The following TRIM67 variants were observed in gnomAD, a reference collection of about 807,000 sequenced individuals.
TRIM67 encodes the protein tripartite motif-containing protein 67.
TRIM67 carries 39 observed loss-of-function variants against 71.0 expected under a neutral mutation model. The observed-to-expected ratio is 0.55, with a 90% CI of 0.43 to 0.72. The LOEUF (loss-of-function observed/expected upper bound fraction) is 0.72. Ranked by LOEUF, TRIM67 falls within the 30% of genes least tolerant of loss-of-function variation. The probability of loss-of-function intolerance (pLI) is 0.00; values close to 1 mark genes in which losing one functional copy is unlikely to be tolerated. For missense variants in TRIM67, 973 were observed against 1,079.2 expected (o/e 0.90, Z 1.38); for synonymous variants, 481 against 473.9 (o/e 1.01, Z -0.19).
rs1214334147 is a variant in TRIM67, at chr1:231,218,011, A to G, written c.*2571A>G. ...GCCCAGAAGCAATACGGCCGATGCCAGGGACAGCATCCAGCTCTCCTTCAC... is the reference window on the plus strand; with the variant it reads ...GCCCAGAAGCAATACGGCCGATGCCGGGGACAGCATCCAGCTCTCCTTCAC... On this transcript the variant is annotated 3_prime_UTR_variant, in exon 10 of 10. Transcript: ENST00000366653. The G allele has an allele frequency of 1.4e-5, 17 of 1,198,306 alleles. No homozygotes were observed. The highest frequency in any genetic ancestry group is 1.6e-5 in the African/African-American group (1 of 63,002). 74.2% of individuals were successfully genotyped at this position (1,198,306 alleles called of 1,614,324 possible). A position where few individuals can be genotyped will look rare whatever the true frequency, so the allele number is the denominator to read the frequency against.
intron 7 of TRIM67, among the ~76,000 whole-genome samples, chr1:231,208,059 G>A (rs1683756938): frequency 6.6e-6 from 1 of 150,542 alleles, no homozygotes; most frequent in East Asian, 1.9e-4. Flanking sequence ...GCCCAGGCTG[G>A]AGTGCAATGG....
rs758387844 is a variant in TRIM67, at chr1:231,197,424, G to A, written c.1098G>A (p.Lys366=). Reference sequence around the variant, plus strand: ...TTTCAGATAAGGCAAAGGAAGCAAAGGAGTTTCTGGTTCAGCTAAAGAACA... The same window carrying A: ...TTTCAGATAAGGCAAAGGAAGCAAAAGAGTTTCTGGTTCAGCTAAAGAACA... ...NGVSDKAKEA[K]EFLVQLKNIL... is the part of the protein sequence containing the mutation. The change falls in exon 2 of 10, where the codon AAG becomes AAA. Residue 366 remains lysine, a synonymous_variant. Coordinates refer to ENST00000366653, the MANE Select transcript of TRIM67 (RefSeq NM_001004342.5). 9.9e-6 allele frequency: 16 copies of A among 1,614,046 alleles called. No individual in the cohort carries two copies. The highest frequency in any genetic ancestry group is 1.4e-5 in the Non-Finnish European group (16 of 1,179,884).
intron 1 of TRIM67, among the ~76,000 whole-genome samples, chr1:231,169,135 C>G (rs970700731): frequency 6.6e-6 from 1 of 152,176 alleles, no homozygotes; most frequent in African/African-American, 2.4e-5. Context: ...CAGCTCACTG[C>G]AACCTCCGCC....
chr1:231,179,355 G>A (rs1157785198), intron 1 of TRIM67, among the ~76,000 whole-genome samples: 1 of 152,204 alleles, frequency 6.6e-6, no homozygotes, highest in African/African-American at 2.4e-5. Context: ...CTACTCCAGT[G>A]TGACCCCCAC....
chr1:231,219,175 G>A lies in TRIM67; in HGVS notation c.*3735G>A, dbSNP rs898180330. On this transcript the variant is annotated 3_prime_UTR_variant, in exon 10 of 10. Transcript: ENST00000366653. ...ACTGCTGCACAGCCCGTGGGGTGGC[G>A]CCAGGGTTTCTCAACCTCTACTGAC... 29 of 985,362 alleles carry A rather than the reference G, an allele frequency of 2.9e-5. No homozygotes were observed. The highest frequency in any genetic ancestry group is 1.6e-4 in the African/African-American group (9 of 57,188). 61.0% of individuals were successfully genotyped at this position (985,362 alleles called of 1,614,324 possible). A position where few individuals can be genotyped will look rare whatever the true frequency, so the allele number is the denominator to read the frequency against.
intron 1 of TRIM67, among the ~76,000 whole-genome samples, chr1:231,170,197 G>T (rs1682588561): frequency 6.6e-6 from 1 of 152,070 alleles, no homozygotes; most frequent in African/African-American, 2.4e-5. Flanking sequence ...TGTTGGTCAA[G>T]CTGGTCTCAA....
intron 2 of TRIM67, among the ~76,000 whole-genome samples, chr1:231,198,409 C>A (rs1683427817): frequency 6.6e-6 from 1 of 151,722 alleles, no homozygotes; most frequent in Non-Finnish European, 1.5e-5. Context: ...TTTTTTGAGA[C>A]AGAGTCTCAC....
At chr1:231,199,573 C>T (rs763833683) in intron 3 of TRIM67, among the ~76,000 whole-genome samples, 12 of 152,170 alleles carry the variant, frequency 7.9e-5, no homozygotes, top group Non-Finnish European at 1.8e-4. Context: ...ACATACACAG[C>T]CAGTTCCCAC....
In TRIM67 at chr1:231,215,549, G is replaced by A; in HGVS notation, c.*109G>A. 6.9e-7 allele frequency: 1 copy of A among 1,447,358 alleles called. No individual in the cohort carries two copies. 89.7% of individuals were successfully genotyped at this position (1,447,358 alleles called of 1,614,324 possible). A position where few individuals can be genotyped will look rare whatever the true frequency, so the allele number is the denominator to read the frequency against. ...ACAAAAGCAGGATATGCAAATCATG[G>A]GTGCAACCTGGCAGCGTGGAGTGTC... On this transcript the variant is annotated 3_prime_UTR_variant, in exon 10 of 10. Coordinates refer to ENST00000366653, the MANE Select transcript of TRIM67 (RefSeq NM_001004342.5).
At chr1:231,183,987 A>G (rs947507571) in intron 1 of TRIM67, 1 of 152,196 alleles carries the variant, frequency 6.6e-6, no homozygotes, top group African/African-American at 2.4e-5. Flanking sequence ...GAACTATGGA[A>G]CAAACACCCA....
chr1:231,197,551 C>A, intron 2 of TRIM67, 85 bp downstream of exon 2: 1 of 1,251,284 alleles, frequency 8.0e-7, no homozygotes, highest in Non-Finnish European at 1.2e-6. Flanking sequence ...AGAGGCGGGG[C>A]ACGGTGGCTC....
intron 9 of TRIM67, among the ~76,000 whole-genome samples, chr1:231,214,778 CAAAAAAAA>C (rs748778482): frequency 1.1e-4 from 5 of 43,934 alleles, no homozygotes; most frequent in South Asian, 1.6e-3. Context: ...GACTTCATCT[CAAAAAAAA>C]AAAAAAAAAA....
At chr1:231,210,027 TG>T (rs530801951) in intron 8 of TRIM67, among the ~76,000 whole-genome samples, 4 of 152,196 alleles carry the variant, frequency 2.6e-5, no homozygotes, top group Non-Finnish European at 5.9e-5. Context: ...ACCATAGCTC[TG>T]TACTCTTTCT....
Position 231,196,530 on chromosome 1 carries a change from TG to T in TRIM67, c.1045-840del, listed in dbSNP as rs1269349477. On this transcript the variant is annotated intron_variant, in intron 1 of 9. Coordinates refer to ENST00000366653, the MANE Select transcript of TRIM67 (RefSeq NM_001004342.5). ...GGTTGAGGCTGCAGTGAGTCATGAT[TG>T]AGCCACTGCACTCTAGCCTGGGCAA... Among the ~76,000 whole-genome samples the T allele has an allele frequency of 2.6e-5, 4 of 151,328 alleles. 1 individual carries two copies. In the East Asian group the frequency reaches 7.8e-4, roughly 30 times the overall value.
Position 231,209,397 on chromosome 1 carries a change from G to A in TRIM67, c.2123+147G>A. 1.1e-6 allele frequency: 1 copy of A among 913,684 alleles called. No individual in the cohort carries two copies. Among genetic ancestry groups the A allele is most frequent in the Admixed American group, 3.1e-5 (1 of 32,332 alleles). 56.6% of individuals were successfully genotyped at this position (913,684 alleles called of 1,614,324 possible). On this transcript the variant is annotated intron_variant, in intron 8 of 9. Transcript: ENST00000366653. The surrounding 1 kb of genome is among the most constrained non-coding windows in gnomAD (Gnocchi z 4.1). ...CCACTTTGGTCTCCATTTTCTAGGA[G>A]GCCTTCACTCTGCCCATATAGAACT...
In TRIM67 at chr1:231,218,259, T is replaced by C; in HGVS notation, c.*2819T>C. 1 of 997,184 alleles carries C rather than the reference T, an allele frequency of 1.0e-6. No individual in the cohort carries two copies. Among genetic ancestry groups the C allele is most frequent in the Non-Finnish European group, 1.2e-6 (1 of 836,960 alleles). The allele number at this position is 997,184 out of a possible 1,614,324, so 61.8% of individuals were successfully genotyped here. A position where few individuals can be genotyped will look rare whatever the true frequency, so the allele number is the denominator to read the frequency against. ...AATTCCATAACACGTTACATCATGG[T>C]GGCACATTTGTACATACATATAAAT... On this transcript the variant is annotated 3_prime_UTR_variant, in exon 10 of 10. Coordinates refer to ENST00000366653, the MANE Select transcript of TRIM67 (RefSeq NM_001004342.5).
chr1:231,180,387 A>G (rs2102725552), intron 1 of TRIM67, among the ~76,000 whole-genome samples: 1 of 152,326 alleles, frequency 6.6e-6, no homozygotes, highest in Admixed American at 6.5e-5. Flanking sequence ...CTAATTAAGA[A>G]AAAACACTCT....
At chr1:231,165,422 G>A (rs1682427130) in intron 1 of TRIM67, among the ~76,000 whole-genome samples, 1 of 152,182 alleles carries the variant, frequency 6.6e-6, no homozygotes, top group Non-Finnish European at 1.5e-5. Context: ...TTAGCCTCTA[G>A]CAAAGCACCT....
At position 231,206,783 on chromosome 1, in the gene TRIM67, A is replaced by G. The variant is rs1436106473; in HGVS notation, c.1812A>G (p.Thr604=). ...GPYSKTVVLQ[T]SDVAWFTFDP... ...ACAGTAAAACTGTCGTCCTGCAGAC[A>G]TCCGATGGTGAGCATCGGGATCTCT... is the stretch of plus-strand genomic sequence containing the variant. Residue 604 remains threonine (T), a synonymous_variant, in exon 7 of 10, where the codon ACA becomes ACG. Coordinates refer to ENST00000366653, the MANE Select transcript of TRIM67 (RefSeq NM_001004342.5). 3 of 1,597,564 alleles carry G rather than the reference A, an allele frequency of 1.9e-6. No individual in the cohort carries two copies. The East Asian group carries it at 6.8e-5, about 36-fold the overall frequency.
Sources: gnomAD v4.1 joint callset for allele counts (sites outside exome capture counted in the v4.1 genomes callset) on GRCh38, gnomAD v4.1.1 for gene constraint, Gnocchi (gnomAD v3.1) non-coding constraint, MANE v1.5 for transcripts, NCBI Gene and HGNC (gene_info 2026-07-23, HGNC 2026-07-21) for gene names.